The following BLACAT1 variants were observed in gnomAD, a reference collection of about 807,000 sequenced individuals.
BLACAT1 encodes the protein BLACAT1 overlapping LEMD1 locus.
chr1:205,448,939 C>T lies in BLACAT1; in HGVS notation c.-37+6978G>A, dbSNP rs967030890. Among the ~76,000 whole-genome samples the T allele has an allele frequency of 6.6e-6, 1 of 152,110 alleles. No individual in the cohort carries two copies. The highest frequency in any genetic ancestry group is 2.4e-5 in the African/African-American group (1 of 41,426). On this transcript the variant is annotated intron_variant, in intron 1 of 1. Transcript: ENST00000629624. The surrounding 1 kb of genome is among the most constrained non-coding windows in gnomAD (Gnocchi z 4.7). ...GTTAAATAGGTTTCTTGAGTGCCCCCAGGGGTGGGGGCTGGGCCAACCTAC... is the reference window on the plus strand; with the variant it reads ...GTTAAATAGGTTTCTTGAGTGCCCCTAGGGGTGGGGGCTGGGCCAACCTAC...
intron 1 of BLACAT1, among the ~76,000 whole-genome samples, chr1:205,451,376 A>G (rs1666495215): frequency 6.6e-6 from 1 of 152,100 alleles, no homozygotes; most frequent in African/African-American, 2.4e-5. Flanking sequence ...ATTCAGCCGG[A>G]TTTGGGAAAC....
rs902145304 is a variant in BLACAT1, at chr1:205,441,789, G to C, written c.-36-727C>G. Among the ~76,000 whole-genome samples, 2 of 152,186 alleles carry C rather than the reference G, an allele frequency of 1.3e-5. No homozygotes were observed. The highest frequency in any genetic ancestry group is 2.9e-5 in the Non-Finnish European group (2 of 68,034). On this transcript the variant is annotated intron_variant, in intron 1 of 1. Coordinates refer to ENST00000629624, the Ensembl canonical transcript of BLACAT1. This position sits in a 1 kb window ranked among gnomAD's most constrained non-coding sequence, Gnocchi z 4.3. ...TGAGAGGTAGATACAAAAGGGTAAA[G>C]ACATGGTTTCTTCCCTGGCACATAA...
At chr1:205,437,013 T>G (rs1666220244), downstream of BLACAT1, 1 of 152,494 alleles carries the variant, frequency 6.6e-6, no homozygotes. Context: ...GAGTCAGTCA[T>G]GGCAGAACAC....
chr1:205,452,782 T>C (rs1666514135), intron 1 of BLACAT1, among the ~76,000 whole-genome samples: 1 of 152,144 alleles, frequency 6.6e-6, no homozygotes, highest in Non-Finnish European at 1.5e-5. Context: ...AGATACTAAA[T>C]AAAAGCCACT....
chr1:205,451,563 C>CGG (rs969517102), intron 1 of BLACAT1, among the ~76,000 whole-genome samples: 1 of 149,754 alleles, frequency 6.7e-6, no homozygotes, highest in East Asian at 2.0e-4. Flanking sequence ...GGGGAGTGGT[C>CGG]GGGGGGGTAA....
chr1:205,443,345 A>G (rs896748594), intron 1 of BLACAT1, among the ~76,000 whole-genome samples: 10 of 151,958 alleles, frequency 6.6e-5, no homozygotes, highest in Admixed American at 6.6e-4. Flanking sequence ...GTTCTTTCTT[A>G]AAAACAGCAG....
At chr1:205,451,902 T>C (rs1351640375) in intron 1 of BLACAT1, among the ~76,000 whole-genome samples, 3 of 152,022 alleles carry the variant, frequency 2.0e-5, no homozygotes, top group Non-Finnish European at 4.4e-5. Context: ...CATTTTTTGC[T>C]CTTAGAGGAG....
chr1:205,450,702 A>C lies in BLACAT1; in HGVS notation c.-37+5215T>G, dbSNP rs1666484909. On this transcript the variant is annotated intron_variant, in intron 1 of 1. Transcript: ENST00000629624. This position sits in a 1 kb window ranked among gnomAD's most constrained non-coding sequence, Gnocchi z 4.4. ...GGGCTCAGCCCCTGGCCTGCCTACC[A>C]ATCCCAGCCCACCTGACAAGCCCCA... Among the ~76,000 whole-genome samples the C allele has an allele frequency of 6.6e-6, 1 of 152,082 alleles. No individual in the cohort carries two copies. Among genetic ancestry groups the C allele is most frequent in the Non-Finnish European group, 1.5e-5 (1 of 68,006 alleles).
At position 205,447,752 on chromosome 1, in the gene BLACAT1, C is replaced by T. The variant is rs546533763; in HGVS notation, c.-36-6690G>A. On this transcript the variant is annotated intron_variant, in intron 1 of 1. Transcript: ENST00000629624. ...GGACCCTGGAGTCCAGCCTGTCGCC[C>T]GGGGGAGCGCCTGCCTTCCTAGTTT... 1.9e-4 allele frequency among the ~76,000 whole-genome samples: 16 copies of T among 83,938 alleles called. No homozygotes were observed. In the East Asian group the frequency reaches 5.8e-3, roughly 30 times the overall value. The allele number at this position is 83,938 out of a possible 152,430, so 55.1% of individuals were successfully genotyped here. A position where few individuals can be genotyped will look rare whatever the true frequency, so the allele number is the denominator to read the frequency against.
intron 1 of BLACAT1, among the ~76,000 whole-genome samples, chr1:205,446,100 C>T (rs751975267): frequency 3.9e-5 from 6 of 152,228 alleles, no homozygotes; most frequent in Non-Finnish European, 7.3e-5. Flanking sequence ...ACAGGACACA[C>T]ACAGCCCTCT....
chr1:205,445,079 C>T (rs772021623), intron 1 of BLACAT1, among the ~76,000 whole-genome samples: 137 of 152,264 alleles, frequency 9.0e-4, no homozygotes, highest in Non-Finnish European at 1.7e-3. Context: ...GAAGCAGCTG[C>T]GGCTTAGGAG....
intron 1 of BLACAT1, among the ~76,000 whole-genome samples, chr1:205,444,733 G>A (rs1191756321): frequency 6.6e-6 from 1 of 152,144 alleles, no homozygotes; most frequent in East Asian, 1.9e-4. Context: ...GGCAGCGGGG[G>A]TGGAAGGCTA....
chr1:205,447,446 G>A (rs1288421732), intron 1 of BLACAT1, among the ~76,000 whole-genome samples: 1 of 152,102 alleles, frequency 6.6e-6, no homozygotes, highest in African/African-American at 2.4e-5. Flanking sequence ...TTCTTCAGTG[G>A]TCTGTCTTAG....
rs112921667 is a variant in BLACAT1, at chr1:205,444,333, C to G, written c.-36-3271G>C. Among the ~76,000 whole-genome samples the G allele has an allele frequency of 1.3e-3, 205 of 152,194 alleles. 2 individuals are homozygous for G. The highest frequency in any genetic ancestry group is 4.1e-3 in the African/African-American group (172 of 41,516). The stretch of plus-strand genomic sequence containing the variant: ...CCTCCTCTCTGGCTTTTTCCCAGCT[C>G]AGGTCCAAGATGGTTTACGGTCTGG... On this transcript the variant is annotated intron_variant, in intron 1 of 1. Coordinates refer to ENST00000629624, the Ensembl canonical transcript of BLACAT1.
At chr1:205,452,099 G>A (rs1271330680) in intron 1 of BLACAT1, among the ~76,000 whole-genome samples, 1 of 152,188 alleles carries the variant, frequency 6.6e-6, no homozygotes, top group Non-Finnish European at 1.5e-5. Context: ...GGCCTGATTG[G>A]CTGGTGGGTG....
At chr1:205,442,745 G>C (rs1575009140) in intron 1 of BLACAT1, among the ~76,000 whole-genome samples, 1 of 152,138 alleles carries the variant, frequency 6.6e-6, no homozygotes, top group Non-Finnish European at 1.5e-5. Flanking sequence ...AGTTAGCAGA[G>C]AGCAACCTCC....
chr1:205,442,274 T>C (rs978672334), intron 1 of BLACAT1, among the ~76,000 whole-genome samples: 6 of 152,078 alleles, frequency 3.9e-5, no homozygotes, highest in African/African-American at 1.4e-4. Context: ...CGGAAGGGGT[T>C]TGGAATAGGG....
chr1:205,442,974 CAGG>C (rs1666320644), intron 1 of BLACAT1, among the ~76,000 whole-genome samples: 1 of 152,116 alleles, frequency 6.6e-6, no homozygotes, highest in African/African-American at 2.4e-5. Context: ...TTCAGTGTAC[CAGG>C]AGATTAGGCA....
At chr1:205,454,460 G>A (rs1666537798) in intron 1 of BLACAT1, among the ~76,000 whole-genome samples, 1 of 151,942 alleles carries the variant, frequency 6.6e-6, no homozygotes, top group African/African-American at 2.4e-5. Flanking sequence ...TGGTGTATGG[G>A]CAATGGGAGG....
Sources: allele counts gnomAD v4.1 joint callset (sites outside exome capture counted in the v4.1 genomes callset), GRCh38; gene constraint gnomAD v4.1.1; non-coding constraint Gnocchi (gnomAD v3.1); transcripts MANE v1.5; gene names NCBI Gene and HGNC (gene_info 2026-07-23, HGNC 2026-07-21).